CLEC20A: variants seen among roughly 807,000 people sequenced by gnomAD.
CLEC20A encodes the protein C-type lectin domain containing 20A.
rs1342906567 is a variant in CLEC20A at position 178,496,894 on chromosome 1, C to A, written c.40+6G>T. ...AGGCACCCTCCTCCAGGTTGGGGGG[C>A]CTCACCTGCTGCGCAGAAGGAGAGC... is the stretch of plus-strand genomic sequence containing the variant. On this transcript the variant is annotated splice_donor_region_variant and intron_variant, in intron 1 of 7. Transcript: ENST00000623247. The A allele has an allele frequency of 2.5e-6, 1 of 398,784 alleles. No individual in the cohort carries two copies. The highest frequency in any genetic ancestry group is 4.4e-6 in the Non-Finnish European group (1 of 226,298). The allele number at this position is 398,784 out of a possible 1,614,324, so 24.7% of individuals were successfully genotyped here.
At chr1:178,486,299 A>G in intron 5 of CLEC20A, 1 of 397,018 alleles carries the variant, frequency 2.5e-6, no homozygotes, top group Non-Finnish European at 4.4e-6. Context: ...ACCACACCCC[A>G]CCTCTCATCC....
chr1:178,484,246 A>T (rs1284782996), intron 5 of CLEC20A: 1 of 152,216 alleles, frequency 6.6e-6, no homozygotes, highest in Admixed American at 6.5e-5. Context: ...AAGATTATGC[A>T]CATGTTAAAA....
chr1:178,482,093 C>CAA (rs959378665), intron 7 of CLEC20A: 503 of 309,892 alleles, frequency 1.6e-3, no homozygotes, highest in Middle Eastern at 4.0e-3. Context: ...AAAAAAACAA[C>CAA]AAAAAAAAAA....
At chr1:178,486,009 G>T (rs964197859) in intron 5 of CLEC20A, among the ~76,000 whole-genome samples, 1 of 152,166 alleles carries the variant, frequency 6.6e-6, no homozygotes, top group African/African-American at 2.4e-5. Context: ...CAGGCACTGA[G>T]AGATGAGAAA....
At chr1:178,486,823 G>C (rs950823557) in intron 5 of CLEC20A, 142 of 398,376 alleles carry the variant, frequency 3.6e-4, no homozygotes, top group Non-Finnish European at 5.7e-4. Flanking sequence ...AGTGACCGGC[G>C]GCATCCTGGG....
At chr1:178,492,642 C>G (rs922709079) in intron 2 of CLEC20A, 76 bp from the exon 3 acceptor site, 16 of 398,264 alleles carry the variant, frequency 4.0e-5, no homozygotes, top group Non-Finnish European at 7.1e-5. Flanking sequence ...CGGTTATAGC[C>G]GGGAAAACCT....
At chr1:178,479,647 GCGGTCTTTTTA>G (rs1648894056) in intron 7 of CLEC20A, 32 bp from the exon 8 acceptor site, 1 of 398,212 alleles carries the variant, frequency 2.5e-6, no homozygotes, top group African/African-American at 2.1e-5. Context: ...AAGTGTTGAT[GCGGTCTTTTTA>G]CTTCATGGTC....
intron 5 of CLEC20A, among the ~76,000 whole-genome samples, chr1:178,487,530 T>C (rs1649178915): frequency 6.6e-6 from 1 of 152,162 alleles, no homozygotes; most frequent in African/African-American, 2.4e-5. Flanking sequence ...CTTCTCATCC[T>C]TCCAATAGTT....
chr1:178,493,638 T>C (rs1649318450), intron 2 of CLEC20A: 1 of 152,264 alleles, frequency 6.6e-6, no homozygotes, highest in Non-Finnish European at 1.5e-5. Context: ...GTACCGATGG[T>C]GGATTTCCCG....
At chr1:178,484,093 G>A (rs1649068474) in intron 5 of CLEC20A, 3 of 152,190 alleles carry the variant, frequency 2.0e-5, no homozygotes, top group Admixed American at 2.0e-4. Context: ...TCTGCTTTCA[G>A]TGGACATTAC....
chr1:178,482,716 A>C, intron 6 of CLEC20A: 1 of 232,444 alleles, frequency 4.3e-6, no homozygotes, highest in Non-Finnish European at 8.2e-6. Context: ...ACTCCACACC[A>C]TGCCGGAAAT....
intron 5 of CLEC20A, 32 bp downstream of exon 5, chr1:178,488,469 C>T (rs543547453): frequency 4.8e-5 from 19 of 398,788 alleles, no homozygotes; most frequent in African/African-American, 3.7e-4. Flanking sequence ...ACCCTGAAGA[C>T]CCAGATCCAG....
At chr1:178,492,601 G>A in intron 2 of CLEC20A, 35 bp from the exon 3 acceptor site, 1 of 398,644 alleles carries the variant, frequency 2.5e-6, no homozygotes, top group Non-Finnish European at 4.4e-6. Context: ...GTTATGGGGA[G>A]GCCCAGGATC....
intron 1 of CLEC20A, 153 bp downstream of exon 1, chr1:178,496,747 C>T (rs1649403544): frequency 5.0e-6 from 2 of 397,732 alleles, no homozygotes; most frequent in African/African-American, 2.1e-5. Context: ...CCTTCCCAAC[C>T]CTGTTCTGAG....
At chr1:178,486,262 CTG>C (rs1477411976) in intron 5 of CLEC20A, among the ~76,000 whole-genome samples, 5 of 152,332 alleles carry the variant, frequency 3.3e-5, no homozygotes, top group South Asian at 2.1e-4. Flanking sequence ...AGTGGGGAGA[CTG>C]TGGCCCAGCA....
At chr1:178,487,851 G>A (rs561405910) in intron 5 of CLEC20A, among the ~76,000 whole-genome samples, 2 of 152,348 alleles carry the variant, frequency 1.3e-5, no homozygotes, top group South Asian at 4.1e-4. Context: ...GTGTGATATA[G>A]GAATCTGTAA....
chr1:178,499,076 G>A (rs1205071246), upstream of CLEC20A, among the ~76,000 whole-genome samples: 2 of 152,006 alleles, frequency 1.3e-5, no homozygotes, highest in African/African-American at 2.4e-5. Context: ...TCCCCCAGTC[G>A]TCTCCCTCAA....
At chr1:178,492,091 C>T (rs978397165) in intron 3 of CLEC20A, among the ~76,000 whole-genome samples, 1 of 151,972 alleles carries the variant, frequency 6.6e-6, no homozygotes, top group African/African-American at 2.4e-5. Context: ...CGAGACCAGC[C>T]TGAGCAACAT....
rs1212812373 is a variant in CLEC20A at position 178,490,539 on chromosome 1, C to T, written c.464-102G>A. ...ATAGAATTTTGGTCTGACATGGGCC[C>T]TTGTCCCTGGTCCTTGAGTATTAGA... On this transcript the variant is annotated intron_variant, in intron 3 of 7. Transcript: ENST00000623247. 3.8e-5 allele frequency: 15 copies of T among 397,700 alleles called. No individual in the cohort carries two copies. In the East Asian group the frequency reaches 5.3e-4, roughly 14 times the overall value. 24.6% of individuals were successfully genotyped at this position (397,700 alleles called of 1,614,324 possible). A position where few individuals can be genotyped will look rare whatever the true frequency, so the allele number is the denominator to read the frequency against.
Sources: allele counts gnomAD v4.1 joint callset (sites outside exome capture counted in the v4.1 genomes callset), GRCh38; gene constraint gnomAD v4.1.1; transcripts MANE v1.5; gene names NCBI Gene and HGNC (gene_info 2026-07-23, HGNC 2026-07-21).